Variants in SCAPER observed in about 807,000 individuals in gnomAD.
The protein encoded by SCAPER is S-phase cyclin A associated protein in the ER, also known as S phase cyclin A-associated protein in the endoplasmic reticulum.
A neutral mutation model predicts 182.2 loss-of-function variants in SCAPER; 98 were observed. The observed-to-expected ratio is 0.54, with a 90% CI of 0.46 to 0.64. The LOEUF (loss-of-function observed/expected upper bound fraction) is 0.64. Ranked by LOEUF, SCAPER falls within the 30% of genes least tolerant of loss-of-function variation. The pLI is 0.00. For missense variants in SCAPER, 1,432 were observed against 1,690.0 expected (o/e 0.85, Z 2.68); for synonymous variants, 605 against 564.6 (o/e 1.07, Z -1.01).
At chr15:76,660,179 G>C (rs759635718) in intron 21 of SCAPER, among the ~76,000 whole-genome samples, 2 of 152,086 alleles carry the variant, frequency 1.3e-5, no homozygotes, top group African/African-American at 2.4e-5. Context: ...AAGTGGGAGT[G>C]AAACACTGAA....
intron 10 of SCAPER, among the ~76,000 whole-genome samples, chr15:76,768,082 C>A (rs891567022): frequency 6.6e-6 from 1 of 151,752 alleles, no homozygotes; most frequent in African/African-American, 2.4e-5. Flanking sequence ...TATAGAAATG[C>A]AAAAAAATAT....
chr15:76,697,732 T>G (rs929011175), intron 20 of SCAPER, among the ~76,000 whole-genome samples: 1 of 152,142 alleles, frequency 6.6e-6, no homozygotes, highest in Non-Finnish European at 1.5e-5. Context: ...CTCCGGCTTC[T>G]GTGTTCAAGC....
At chr15:76,509,096 G>A (rs1298900815) in intron 23 of SCAPER, among the ~76,000 whole-genome samples, 1 of 151,912 alleles carries the variant, frequency 6.6e-6, no homozygotes, top group Non-Finnish European at 1.5e-5. Flanking sequence ...AAACAAATAA[G>A]GATTCCAGAT....
intron 5 of SCAPER, among the ~76,000 whole-genome samples, chr15:76,824,854 T>C (rs2067864510): frequency 6.6e-6 from 1 of 152,212 alleles, no homozygotes; most frequent in African/African-American, 2.4e-5. Context: ...ATTTAAACCT[T>C]ACCTGCATCT....
chr15:76,427,825 C>A (rs969145879), intron 26 of SCAPER, among the ~76,000 whole-genome samples: 3 of 151,696 alleles, frequency 2.0e-5, no homozygotes, highest in Non-Finnish European at 4.4e-5. Context: ...CCCAGCTATT[C>A]AAGAGCCTGA....
chr15:76,467,418 G>A (rs1279053550), intron 25 of SCAPER, among the ~76,000 whole-genome samples: 6 of 147,012 alleles, frequency 4.1e-5, no homozygotes, highest in African/African-American at 1.3e-4. Flanking sequence ...CCCTCCCAGA[G>A]GAGAAGCTGA....
chr15:76,460,366 T>C (rs1279234273), intron 25 of SCAPER, among the ~76,000 whole-genome samples: 2 of 152,162 alleles, frequency 1.3e-5, no homozygotes, highest in Admixed American at 1.3e-4. Flanking sequence ...TATTTCATCA[T>C]TGGTGTATAG....
At chr15:76,759,471 A>T (rs1396634899) in intron 14 of SCAPER, among the ~76,000 whole-genome samples, 1 of 152,166 alleles carries the variant, frequency 6.6e-6, no homozygotes, top group East Asian at 1.9e-4. Context: ...CACTTCCACA[A>T]TAATGGTATC....
chr15:76,408,824 A>C (rs1200510615), intron 26 of SCAPER, among the ~76,000 whole-genome samples: 4 of 152,110 alleles, frequency 2.6e-5, no homozygotes, highest in Non-Finnish European at 5.9e-5. Context: ...TGAGGTCTAA[A>C]GTGATCACAC....
At chr15:76,580,522 A>G (rs550997314) in intron 22 of SCAPER, among the ~76,000 whole-genome samples, 20 of 152,196 alleles carry the variant, frequency 1.3e-4, no homozygotes, top group Non-Finnish European at 2.5e-4. Context: ...TGGGAGGCTA[A>G]GATAGAAGGC....
intron 25 of SCAPER, 56 bp downstream of exon 25, chr15:76,471,156 A>G: frequency 7.0e-7 from 1 of 1,424,658 alleles, no homozygotes; most frequent in Non-Finnish European, 9.3e-7. Context: ...TTTTCTCCAC[A>G]GGGACTATTT....
chr15:76,887,346 G>A (rs888265920), intron 1 of SCAPER, among the ~76,000 whole-genome samples: 10 of 152,268 alleles, frequency 6.6e-5, no homozygotes, highest in African/African-American at 1.9e-4. Flanking sequence ...AAAGCAGGCC[G>A]GGGCATCGCC....
chr15:76,776,240 C>T (rs559278197), intron 8 of SCAPER, among the ~76,000 whole-genome samples: 28 of 152,164 alleles, frequency 1.8e-4, no homozygotes, highest in African/African-American at 6.3e-4. Context: ...GCCTCTTTTG[C>T]CAAGACAAAG....
At chr15:76,596,864 G>A (rs2049545284) in intron 22 of SCAPER, among the ~76,000 whole-genome samples, 1 of 121,738 alleles carries the variant, frequency 8.2e-6, no homozygotes, top group African/African-American at 2.5e-5. Flanking sequence ...TACTGAATGG[G>A]CAAAAGCTGG....
intron 25 of SCAPER, among the ~76,000 whole-genome samples, chr15:76,459,141 C>T (rs1288899373): frequency 6.6e-6 from 1 of 152,158 alleles, no homozygotes; most frequent in Non-Finnish European, 1.5e-5. Context: ...ACCCTCCTGC[C>T]TTGGCCTTCC....
At chr15:76,685,527 G>T (rs923154300) in intron 20 of SCAPER, among the ~76,000 whole-genome samples, 1 of 151,974 alleles carries the variant, frequency 6.6e-6, no homozygotes, top group East Asian at 1.9e-4. Flanking sequence ...AAAAAATACC[G>T]CCAGGGGGAA....
intron 23 of SCAPER, among the ~76,000 whole-genome samples, chr15:76,519,432 A>G (rs2042677977): frequency 6.6e-6 from 1 of 152,226 alleles, no homozygotes; most frequent in Non-Finnish European, 1.5e-5. Flanking sequence ...CAGGAATGAC[A>G]TATTTTATCA....
intron 26 of SCAPER, among the ~76,000 whole-genome samples, chr15:76,420,775 C>T (rs2045976323): frequency 6.6e-6 from 1 of 152,138 alleles, no homozygotes; most frequent in Non-Finnish European, 1.5e-5. Context: ...CCACGCTCCC[C>T]CCACCCCATG....
intron 4 of SCAPER, among the ~76,000 whole-genome samples, chr15:76,848,591 C>T (rs1344969042): frequency 4.6e-5 from 7 of 152,078 alleles, no homozygotes; most frequent in African/African-American, 1.7e-4. Flanking sequence ...ACCTCGGCCT[C>T]CCAAAGTGCT....
Sources: allele counts gnomAD v4.1 joint callset (sites outside exome capture counted in the v4.1 genomes callset), GRCh38; gene constraint gnomAD v4.1.1; transcripts MANE v1.5; gene names NCBI Gene and HGNC (gene_info 2026-07-23, HGNC 2026-07-21).